MYO9A: variants seen among roughly 807,000 people sequenced by gnomAD.
MYO9A encodes unconventional myosin-IXa.
A neutral mutation model predicts 293.3 loss-of-function variants in MYO9A; 103 were observed. The observed-to-expected ratio is 0.35, with a 90% CI of 0.30 to 0.41. The LOEUF is 0.41. Among genes scored for constraint, MYO9A ranks in the 10% least tolerant of loss-of-function variants. The pLI, the probability that MYO9A is intolerant of heterozygous loss-of-function variation, is 1.00. For missense variants in MYO9A, 2,685 were observed against 3,033.0 expected, an observed-to-expected ratio of 0.89 and a Z score of 2.69; for synonymous variants, 1,001 against 1,035.7, an observed-to-expected ratio of 0.97 and a Z score of 0.64.
intron 19 of MYO9A, among the ~76,000 whole-genome samples, chr15:71,910,742 G>A (rs1302234048): frequency 6.6e-6 from 1 of 152,128 alleles, no homozygotes; most frequent in Non-Finnish European, 1.5e-5. Context: ...TTTTACATAG[G>A]TGTGTTGGCC....
chr15:71,881,948 TTTAAC>T (rs2056884601), intron 28 of MYO9A, among the ~76,000 whole-genome samples: 1 of 152,212 alleles, frequency 6.6e-6, no homozygotes, highest in Non-Finnish European at 1.5e-5. Context: ...GTAGTATTCA[TTTAAC>T]TTGTTATTGG....
chr15:72,118,137 G>T lies in MYO9A; in HGVS notation c.-529C>A, dbSNP rs2081075488. 1 of 378,224 alleles carries T rather than the reference G, an allele frequency of 2.6e-6. No homozygotes were observed. Among genetic ancestry groups the T allele is most frequent in the Non-Finnish European group, 4.7e-6 (1 of 213,452 alleles). 23.4% of individuals were successfully genotyped at this position (378,224 alleles called of 1,614,324 possible). ...CGCGCGACTCCCCGGCTGCAGGCGA[G>T]CAGGCGCGCGCGCACTTACCTCCCA... On this transcript the variant is annotated 5_prime_UTR_variant, in exon 1 of 42. Transcript: ENST00000356056.
At chr15:71,941,929 T>G (rs1267921258) in intron 15 of MYO9A, among the ~76,000 whole-genome samples, 1 of 152,104 alleles carries the variant, frequency 6.6e-6, no homozygotes, top group Non-Finnish European at 1.5e-5. Flanking sequence ...ACTCCACTCA[T>G]AAGTATTTAC....
intron 19 of MYO9A, among the ~76,000 whole-genome samples, chr15:71,911,617 G>C (rs1306867030): frequency 6.6e-6 from 1 of 152,184 alleles, no homozygotes; most frequent in Non-Finnish European, 1.5e-5. Context: ...GATTATATTA[G>C]GAGAAAGCCA....
rs145503277 is a variant in MYO9A, at chr15:71,867,640, C to A, written c.5980-5029G>T. Among the ~76,000 whole-genome samples, 169 of 148,330 alleles carry A rather than the reference C, an allele frequency of 1.1e-3. 1 individual carries two copies. The highest frequency in any genetic ancestry group is 4.0e-3 in the African/African-American group (161 of 40,552). On this transcript the variant is annotated intron_variant, in intron 32 of 41. Transcript: ENST00000356056. The stretch of plus-strand genomic sequence containing the variant: ...TGGTACTTGAGTATAAGAAAAGATA[C>A]TCAATCTCACTGACAGTATGAGAAA...
chr15:72,002,009 A>G (rs2076879883), intron 8 of MYO9A, among the ~76,000 whole-genome samples: 1 of 152,190 alleles, frequency 6.6e-6, no homozygotes, highest in Admixed American at 6.5e-5. Flanking sequence ...GGTGGCTCAC[A>G]CCTATAATCC....
chr15:72,106,385 A>G (rs1299472031), intron 1 of MYO9A, among the ~76,000 whole-genome samples: 1 of 152,184 alleles, frequency 6.6e-6, no homozygotes, highest in African/African-American at 2.4e-5. Flanking sequence ...TTAGCTACTC[A>G]GAAGGCTAAG....
intron 2 of MYO9A, chr15:72,041,113 TA>T: frequency 1.7e-6 from 1 of 572,358 alleles, no homozygotes; most frequent in Admixed American, 2.1e-5. Context: ...GGTGTGGTGG[TA>T]CATGCCTATA....
In MYO9A at chr15:72,019,078, G is replaced by A. The variant is rs2077423825; in HGVS notation, c.1116C>T (p.Leu372=). The A allele has an allele frequency of 6.2e-7, 1 of 1,613,802 alleles. No individual in the cohort carries two copies. The highest frequency in any genetic ancestry group is 1.7e-5 in the Admixed American group (1 of 60,020). ...HYLNQITKKP[L]RQSWDDYCYD... is the part of the protein sequence containing the mutation. The stretch of plus-strand genomic sequence containing the variant: ...AGCAATAATCATCCCAGCTCTGTCT[G>A]AGGGGTTTCTTTGTTATCTGAAAGT... The change falls in exon 6 of 42, where the codon CTC becomes CTT. Residue 372 remains leucine (L), a synonymous_variant. Coordinates refer to ENST00000356056, the MANE Select transcript of MYO9A (RefSeq NM_006901.4).
chr15:71,854,340 A>C, intron 35 of MYO9A, 37 bp downstream of exon 35: 4 of 1,346,620 alleles, frequency 3.0e-6, no homozygotes, highest in Non-Finnish European at 3.9e-6. Flanking sequence ...TATTTAAATA[A>C]AAGTATTTCA....
intron 11 of MYO9A, among the ~76,000 whole-genome samples, chr15:71,988,583 T>G (rs977652523): frequency 1.3e-5 from 2 of 152,062 alleles, no homozygotes; most frequent in Admixed American, 1.3e-4. Flanking sequence ...ATTATGTCCT[T>G]TAAGCAAAAT....
intron 27 of MYO9A, among the ~76,000 whole-genome samples, chr15:71,885,422 A>G (rs972141539): frequency 6.6e-6 from 1 of 151,998 alleles, no homozygotes; most frequent in Non-Finnish European, 1.5e-5. Flanking sequence ...TCACTTTTCT[A>G]TATACAATTC....
chr15:72,045,733 T>G lies in MYO9A; in HGVS notation c.831A>C (p.Pro277=), dbSNP rs759650683. The G allele has an allele frequency of 6.3e-7, 1 of 1,589,678 alleles. No individual in the cohort carries two copies. The highest frequency in any genetic ancestry group is 8.5e-7 in the Non-Finnish European group (1 of 1,170,682). The change falls in exon 2 of 42, where the codon CCA becomes CCC. Residue 277 remains proline (P), a synonymous_variant. Transcript: ENST00000356056. ...GVEQIILGAG[P]VLEAFGNAKT... ...ATTTCTATATATTTACCTCAAGTAC[T>G]GGTCCAGCTCCAAGAATAATCTGTT...
intron 17 of MYO9A, among the ~76,000 whole-genome samples, chr15:71,934,253 A>G (rs1247929950): frequency 1.3e-5 from 2 of 151,484 alleles, no homozygotes; most frequent in Non-Finnish European, 3.0e-5. Context: ...ATAAAGTCCA[A>G]CGCTTATGAA....
chr15:71,937,121 A>G (rs760087089), intron 16 of MYO9A, among the ~76,000 whole-genome samples: 45 of 152,112 alleles, frequency 3.0e-4, no homozygotes, highest in Non-Finnish European at 5.1e-4. Context: ...TGTTGAAATG[A>G]CAACATATTC....
intron 30 of MYO9A, 108 bp downstream of exon 30, chr15:71,879,613 C>G (rs1400210641): frequency 1.3e-6 from 1 of 753,202 alleles, no homozygotes; most frequent in East Asian, 2.7e-5. Context: ...AAAAACAAGG[C>G]ACTGGAGAAA....
chr15:71,879,820 A>G lies in MYO9A; in HGVS notation c.5640T>C (p.Asn1880=). 1 of 1,611,946 alleles carries G rather than the reference A, an allele frequency of 6.2e-7. No individual in the cohort carries two copies. The highest frequency in any genetic ancestry group is 8.5e-7 in the Non-Finnish European group (1 of 1,178,500). Residue 1880 remains asparagine (N), a synonymous_variant, in exon 30 of 42, where the codon AAT becomes AAC. Coordinates refer to ENST00000356056, the MANE Select transcript of MYO9A (RefSeq NM_006901.4). ...CTAGTGTATCCTTCTTGCTGTCTTC[A>G]TTATCTAGGTCATTCACCTGGGAAC... ...FLLKKVNDLD[N]EDSKKDTLVD...
At chr15:72,012,606 A>C (rs2077206715) in intron 6 of MYO9A, among the ~76,000 whole-genome samples, 1 of 152,002 alleles carries the variant, frequency 6.6e-6, no homozygotes, top group African/African-American at 2.4e-5. Flanking sequence ...CCCTAAGATA[A>C]ATTTTTAAAC....
At chr15:72,116,944 C>A (rs1357477460) in intron 1 of MYO9A, 1 of 152,174 alleles carries the variant, frequency 6.6e-6, no homozygotes, top group African/African-American at 2.4e-5. Context: ...GGGTCTCGGT[C>A]GGTCCCCTTA....
Sources: allele counts gnomAD v4.1 joint callset (sites outside exome capture counted in the v4.1 genomes callset), GRCh38; gene constraint gnomAD v4.1.1; transcripts MANE v1.5; gene names NCBI Gene and HGNC (gene_info 2026-07-23, HGNC 2026-07-21).